Variants in ASIC2 observed in about 807,000 individuals in gnomAD.
The protein encoded by ASIC2 is acid sensing ion channel subunit 2.
In ASIC2, 25 loss-of-function variants were observed where a neutral mutation model predicts 57.3. That is an observed-to-expected ratio of 0.44 (90% CI 0.32 to 0.61). ASIC2 has a LOEUF of 0.61. ASIC2 is among the 20% of genes least tolerant of loss of function. ASIC2 has a pLI of 0.06. For synonymous variants in ASIC2, 319 were observed against 307.5 expected, an observed-to-expected ratio of 1.04 and a Z score of -0.39; for missense variants, 641 against 738.1, an observed-to-expected ratio of 0.87 and a Z score of 1.52.
chr17:33,464,826 C>A (rs1166373352), intron 1 of ASIC2, among the ~76,000 whole-genome samples: 1 of 151,672 alleles, frequency 6.6e-6, no homozygotes, highest in Non-Finnish European at 1.5e-5. Context: ...AGCATTTGGA[C>A]AAATCTCACC....
In ASIC2 at chr17:34,021,848, T is replaced by G. The variant is rs1045805697; in HGVS notation, c.555+134130A>C. Among the ~76,000 whole-genome samples the G allele has an allele frequency of 4.3e-4, 64 of 148,384 alleles. 2 individuals are homozygous for G. The highest frequency in any genetic ancestry group is 1.5e-3 in the African/African-American group (61 of 40,402). The stretch of plus-strand genomic sequence containing the variant: ...TTGTGTTTTGTTTTGTTTTTTTTTT[T>G]TTTTTTTGAGACAGAGTCTAGCTCT... On this transcript the variant is annotated intron_variant, in intron 1 of 9. Transcript: ENST00000359872.
intron 1 of ASIC2, among the ~76,000 whole-genome samples, chr17:34,142,757 T>G (rs1159067074): frequency 6.6e-6 from 1 of 152,168 alleles, no homozygotes. Flanking sequence ...CTGAAACATA[T>G]CTGTTTGCTA....
chr17:33,702,564 A>G (rs1367324814), intron 1 of ASIC2, among the ~76,000 whole-genome samples: 1 of 152,186 alleles, frequency 6.6e-6, no homozygotes, highest in Non-Finnish European at 1.5e-5. Flanking sequence ...TCCAAAAGGA[A>G]AAAAGGCCTT....
At chr17:33,084,175 T>C (rs1057444436) in intron 3 of ASIC2, among the ~76,000 whole-genome samples, 11 of 152,180 alleles carry the variant, frequency 7.2e-5, no homozygotes, top group African/African-American at 2.7e-4. Flanking sequence ...TCCCAGGTGG[T>C]GAATGCTAGA....
Position 34,006,618 on chromosome 17 carries a change from T to G in ASIC2, c.555+149360A>C, listed in dbSNP as rs538750160. ...TTTCACTTATTTTTAAAAATATTTA[T>G]TTTTTAGTTTTGATTGATACAGAAT... On this transcript the variant is annotated intron_variant, in intron 1 of 9. Coordinates refer to the ASIC2 transcript ENST00000359872. The G allele has an allele frequency of 1.1e-4, 16 of 147,838 alleles. 1 individual carries two copies. In the South Asian group the frequency reaches 3.4e-3, roughly 32 times the overall value. 9.2% of individuals were successfully genotyped at this position (147,838 alleles called of 1,614,324 possible). A position where few individuals can be genotyped will look rare whatever the true frequency, so the allele number is the denominator to read the frequency against.
At chr17:33,963,924 G>A (rs925475392) in intron 1 of ASIC2, among the ~76,000 whole-genome samples, 3 of 152,160 alleles carry the variant, frequency 2.0e-5, no homozygotes, top group Non-Finnish European at 4.4e-5. Flanking sequence ...GGAAATCTGG[G>A]ACTGAGACCC....
rs143653238 is a variant in ASIC2, at chr17:34,043,189, C to T, written c.555+112789G>A. On this transcript the variant is annotated intron_variant, in intron 1 of 9. Transcript: ENST00000359872. ...GGGAGCTCCAGGGATGCTGGTGATG[C>T]GGTATTCCCTGGTTCTGGTGATTCA... 5.9e-5 allele frequency among the ~76,000 whole-genome samples: 9 copies of T among 152,286 alleles called. No individual in the cohort carries two copies. In the East Asian group the frequency reaches 1.4e-3, roughly 23 times the overall value.
At chr17:33,929,909 G>T (rs76195686) in intron 1 of ASIC2, among the ~76,000 whole-genome samples, 1 of 152,180 alleles carries the variant, frequency 6.6e-6, no homozygotes, top group East Asian at 1.9e-4. Flanking sequence ...CACAGTCACA[G>T]AGAGCCCTTG....
At chr17:33,246,914 C>T (rs1310360012) in intron 1 of ASIC2, among the ~76,000 whole-genome samples, 1 of 152,088 alleles carries the variant, frequency 6.6e-6, no homozygotes, top group Non-Finnish European at 1.5e-5. Flanking sequence ...CATCAGCCAC[C>T]ACTGACAAAG....
intron 1 of ASIC2, among the ~76,000 whole-genome samples, chr17:33,610,631 A>G (rs933816767): frequency 6.6e-6 from 1 of 152,144 alleles, no homozygotes; most frequent in African/African-American, 2.4e-5. Flanking sequence ...TGGGAGGCCA[A>G]AGTGGGAGGA....
chr17:33,614,854 C>G (rs888165962), intron 1 of ASIC2, among the ~76,000 whole-genome samples: 5 of 152,198 alleles, frequency 3.3e-5, no homozygotes, highest in East Asian at 3.9e-4. Flanking sequence ...GGGTTTATAT[C>G]TCAACTCTGC....
intron 1 of ASIC2, among the ~76,000 whole-genome samples, chr17:33,508,637 G>A (rs1367172116): frequency 1.3e-5 from 2 of 152,338 alleles, no homozygotes; most frequent in East Asian, 3.9e-4. Flanking sequence ...GAGAAGTCAG[G>A]TGGGGTACAC....
intron 1 of ASIC2, among the ~76,000 whole-genome samples, chr17:33,985,472 G>T (rs1437890548): frequency 1.3e-5 from 2 of 152,134 alleles, no homozygotes; most frequent in Non-Finnish European, 2.9e-5. Context: ...CGGTCTACAG[G>T]CCATACTTGA....
chr17:33,964,788 G>A (rs1228884788), intron 1 of ASIC2, among the ~76,000 whole-genome samples: 4 of 152,194 alleles, frequency 2.6e-5, no homozygotes, highest in African/African-American at 9.7e-5. Context: ...TCCATTGAAG[G>A]CAGCCGCCTG....
chr17:33,930,539 G>A (rs1205110431), intron 1 of ASIC2, among the ~76,000 whole-genome samples: 1 of 152,156 alleles, frequency 6.6e-6, no homozygotes, highest in Non-Finnish European at 1.5e-5. Flanking sequence ...TCCCACCATC[G>A]CTGTCTGTGA....
intron 1 of ASIC2, among the ~76,000 whole-genome samples, chr17:33,157,116 C>CA (rs951708040): frequency 1.3e-5 from 2 of 151,878 alleles, no homozygotes; most frequent in Non-Finnish European, 2.9e-5. Context: ...GTGGTCAAGG[C>CA]AAAAAAACCC....
At chr17:33,419,447 T>C (rs957023145) in intron 1 of ASIC2, among the ~76,000 whole-genome samples, 2 of 152,248 alleles carry the variant, frequency 1.3e-5, no homozygotes, top group Non-Finnish European at 2.9e-5. Context: ...TTTCTGGAAC[T>C]ATTGTTAATG....
intron 1 of ASIC2, among the ~76,000 whole-genome samples, chr17:33,775,695 G>A (rs1408199680): frequency 2.0e-5 from 3 of 152,134 alleles, no homozygotes; most frequent in Non-Finnish European, 4.4e-5. Flanking sequence ...AGTGTCCCTG[G>A]CAGAGGGAAC....
At chr17:33,945,728 G>C (rs1014361766) in intron 1 of ASIC2, among the ~76,000 whole-genome samples, 1 of 152,182 alleles carries the variant, frequency 6.6e-6, no homozygotes, top group Admixed American at 6.5e-5. Context: ...TTGGCAACAA[G>C]AAGCTCCGTG....
Sources: gnomAD v4.1 joint callset for allele counts (sites outside exome capture counted in the v4.1 genomes callset) on GRCh38, gnomAD v4.1.1 for gene constraint, MANE v1.5 for transcripts, NCBI Gene and HGNC (gene_info 2026-07-23, HGNC 2026-07-21) for gene names.